Variants in TAFA5 observed in about 807,000 individuals in gnomAD.
The protein encoded by TAFA5 is TAFA chemokine like family member 5, also known as chemokine-like protein TAFA-5.
Under a neutral mutation model 15.3 loss-of-function variants are expected in TAFA5, and 6 were observed. The observed-to-expected ratio is 0.39, with a 90% CI of 0.21 to 0.77. The LOEUF (loss-of-function observed/expected upper bound fraction) is 0.77, where lower values mean the gene tolerates loss of function less well. Ranked by LOEUF, TAFA5 falls within the 30% of genes least tolerant of loss-of-function variation. TAFA5 has a pLI of 0.41. For missense variants in TAFA5, 161 were observed against 193.1 expected (o/e 0.83, Z 0.98); for synonymous variants, 103 against 80.7 (o/e 1.28, Z -1.48).
chr22:48,694,187 A>G (rs130117), intron 2 of TAFA5, among the ~76,000 whole-genome samples: 84,203 of 152,040 alleles, frequency 0.55, 23,670 homozygotes, highest in South Asian at 0.66. Context: ...CCCCATAGGT[A>G]GAAATCAATA....
At chr22:48,691,231 CCCCTT>C (rs1928531496) in intron 2 of TAFA5, among the ~76,000 whole-genome samples, 1 of 152,182 alleles carries the variant, frequency 6.6e-6, no homozygotes, top group South Asian at 2.1e-4. Flanking sequence ...CACTTCTGGG[CCCCTT>C]CCCTTGTTTG....
At chr22:48,555,381 G>A (rs1392592686) in intron 1 of TAFA5, among the ~76,000 whole-genome samples, 1 of 152,212 alleles carries the variant, frequency 6.6e-6, no homozygotes, top group African/African-American at 2.4e-5. Flanking sequence ...CAGCCCTGGT[G>A]CTCAGACCGT....
intron 1 of TAFA5, among the ~76,000 whole-genome samples, chr22:48,525,635 C>T (rs62223629): frequency 0.083 from 12,559 of 152,228 alleles, 718 homozygotes; most frequent in East Asian, 0.24. Flanking sequence ...ACCAACAGAT[C>T]GCTGGACTGA....
At chr22:48,661,833 G>A (rs1219370870) in intron 2 of TAFA5, among the ~76,000 whole-genome samples, 1 of 152,194 alleles carries the variant, frequency 6.6e-6, no homozygotes, top group African/African-American at 2.4e-5. Context: ...GGGAGCCTGG[G>A]AGCCTGCAGA....
intron 2 of TAFA5, chr22:48,693,261 C>G (rs1928599379): frequency 6.4e-7 from 1 of 1,558,052 alleles, no homozygotes; most frequent in African/African-American, 1.4e-5. Context: ...TGAAAATGCT[C>G]AGACCTTTTC....
intron 1 of TAFA5, among the ~76,000 whole-genome samples, chr22:48,582,092 C>T (rs570641744): frequency 2.6e-5 from 4 of 152,156 alleles, no homozygotes; most frequent in South Asian, 2.1e-4. Flanking sequence ...ACCTGCCTGT[C>T]GGGGCAGGCG....
chr22:48,656,431 G>A lies in TAFA5; in HGVS notation c.262+9685G>A, dbSNP rs182870432. On this transcript the variant is annotated intron_variant, in intron 2 of 3. Coordinates refer to ENST00000402357, the MANE Select transcript of TAFA5 (RefSeq NM_001082967.3). ...TGAGGCAGGAGAATTGCTTGAACCCGGGAGGCGGAGGTTGCAGTGAGCCGA... is the reference window on the plus strand; with the variant it reads ...TGAGGCAGGAGAATTGCTTGAACCCAGGAGGCGGAGGTTGCAGTGAGCCGA... Among the ~76,000 whole-genome samples the A allele has an allele frequency of 9.7e-3, 1,468 of 151,798 alleles. 22 individuals are homozygous for A. The highest frequency in any genetic ancestry group is 0.032 in the African/African-American group (1,343 of 41,412).
At chr22:48,724,181 G>T (rs1459506992) in intron 3 of TAFA5, among the ~76,000 whole-genome samples, 1 of 152,192 alleles carries the variant, frequency 6.6e-6, no homozygotes, top group Non-Finnish European at 1.5e-5. Context: ...GAGACTCGGG[G>T]TTCTCGTTGC....
chr22:48,512,469 G>A (rs1170947941), intron 1 of TAFA5, among the ~76,000 whole-genome samples: 1 of 152,002 alleles, frequency 6.6e-6, no homozygotes, highest in Non-Finnish European at 1.5e-5. Context: ...TTAGCCGGGT[G>A]CAGTGGTGGG....
At chr22:48,558,291 C>T (rs1338833662) in intron 1 of TAFA5, among the ~76,000 whole-genome samples, 1 of 152,242 alleles carries the variant, frequency 6.6e-6, no homozygotes, top group Admixed American at 6.5e-5. Context: ...TCGGCACACA[C>T]TCATTTGCTG....
At chr22:48,687,574 GT>G (rs1928403494) in intron 2 of TAFA5, among the ~76,000 whole-genome samples, 1 of 152,164 alleles carries the variant, frequency 6.6e-6, no homozygotes, top group Non-Finnish European at 1.5e-5. Flanking sequence ...TGAGAAGGCA[GT>G]CAGAGTTCTC....
chr22:48,674,424 T>C (rs1030902181), intron 2 of TAFA5, among the ~76,000 whole-genome samples: 8 of 152,204 alleles, frequency 5.3e-5, no homozygotes, highest in African/African-American at 1.9e-4. Context: ...CAGGATCTGC[T>C]CTTCCTGCCT....
intron 1 of TAFA5, among the ~76,000 whole-genome samples, chr22:48,518,866 T>C (rs1811240501): frequency 6.6e-6 from 1 of 152,200 alleles, no homozygotes; most frequent in Admixed American, 6.5e-5. Context: ...ACGGTACTTT[T>C]CACTCACCTG....
At chr22:48,678,128 C>T (rs1354042580) in intron 2 of TAFA5, among the ~76,000 whole-genome samples, 1 of 152,238 alleles carries the variant, frequency 6.6e-6, no homozygotes, top group South Asian at 2.1e-4. Flanking sequence ...CCGCCTCCCT[C>T]AAACCTCTTT....
chr22:48,693,555 C>T (rs1481316825), intron 2 of TAFA5, among the ~76,000 whole-genome samples: 1 of 152,154 alleles, frequency 6.6e-6, no homozygotes, highest in Admixed American at 6.5e-5. Flanking sequence ...GCCTGGAGCT[C>T]AGGGAACTCT....
At chr22:48,656,521 A>G (rs1363552222) in intron 2 of TAFA5, among the ~76,000 whole-genome samples, 1 of 151,908 alleles carries the variant, frequency 6.6e-6, no homozygotes, top group Non-Finnish European at 1.5e-5. Flanking sequence ...AAAAGAAACA[A>G]TGAAATTATA....
At chr22:48,656,914 C>G (rs528890625) in intron 2 of TAFA5, among the ~76,000 whole-genome samples, 71 of 151,854 alleles carry the variant, frequency 4.7e-4, no homozygotes, top group Middle Eastern at 3.4e-3. Flanking sequence ...TACAGGCTTG[C>G]ACTGCCATGC....
At chr22:48,665,064 G>A (rs771061360) in intron 2 of TAFA5, among the ~76,000 whole-genome samples, 2 of 152,134 alleles carry the variant, frequency 1.3e-5, no homozygotes, top group African/African-American at 4.8e-5. Context: ...TTCTGTGTGC[G>A]TCATGGTCCC....
rs555547435 is a variant in TAFA5 at position 48,584,625 on chromosome 22, C to T, written c.113-61972C>T. Among the ~76,000 whole-genome samples the T allele has an allele frequency of 4.7e-5, 7 of 148,384 alleles. No individual in the cohort carries two copies. In the East Asian group the frequency reaches 8.2e-4, roughly 17 times the overall value. On this transcript the variant is annotated intron_variant, in intron 1 of 3. Coordinates refer to ENST00000402357, the MANE Select transcript of TAFA5 (RefSeq NM_001082967.3). Reference sequence around the variant, plus strand: ...CACACCACACACGCATGCACACACACCACTCACAAAATACATCACACATGC... The same window carrying T: ...CACACCACACACGCATGCACACACATCACTCACAAAATACATCACACATGC...
Sources: gnomAD v4.1 joint callset for allele counts (sites outside exome capture counted in the v4.1 genomes callset) on GRCh38, gnomAD v4.1.1 for gene constraint, MANE v1.5 for transcripts, NCBI Gene and HGNC (gene_info 2026-07-23, HGNC 2026-07-21) for gene names.